ALDH3A2: variants seen among roughly 807,000 people sequenced by gnomAD.
The protein encoded by ALDH3A2 is aldehyde dehydrogenase family 3 member A2.
A neutral mutation model predicts 51.3 loss-of-function variants in ALDH3A2; 36 were observed. The observed-to-expected ratio is 0.70, with a 90% CI of 0.54 to 0.93. ALDH3A2 has a LOEUF of 0.93. Among genes scored for constraint, ALDH3A2 ranks in the 40% least tolerant of loss-of-function variants. The pLI, the probability that ALDH3A2 is intolerant of heterozygous loss-of-function variation, is 0.00. For missense variants in ALDH3A2, 552 were observed against 603.1 expected, an observed-to-expected ratio of 0.92 and a Z score of 0.89; for synonymous variants, 199 against 219.8, an observed-to-expected ratio of 0.91 and a Z score of 0.84.
chr17:19,659,257 C>T (rs372932102), intron 5 of ALDH3A2, among the ~76,000 whole-genome samples: 2 of 151,688 alleles, frequency 1.3e-5, no homozygotes, highest in African/African-American at 2.4e-5. Flanking sequence ...TGAAAATTGT[C>T]GCCGTTGTGG....
At chr17:19,669,675 C>T (rs549190108) in intron 8 of ALDH3A2, among the ~76,000 whole-genome samples, 32 of 151,992 alleles carry the variant, frequency 2.1e-4, no homozygotes, top group Non-Finnish European at 4.3e-4. Context: ...CACTCTGTCA[C>T]CCAAGCCAGA....
chr17:19,651,850 A>G (rs1197574804), intron 2 of ALDH3A2, 72 bp downstream of exon 2: 7 of 1,338,078 alleles, frequency 5.2e-6, no homozygotes, highest in African/African-American at 1.4e-5. Context: ...GAAATTAAGG[A>G]TAGTGGCTAA....
intron 3 of ALDH3A2, 96 bp downstream of exon 3, chr17:19,652,728 C>G: frequency 9.6e-7 from 1 of 1,040,718 alleles, no homozygotes; most frequent in Non-Finnish European, 1.5e-6. Flanking sequence ...GGCCGGGGAC[C>G]CAATTGCAGT....
intron 7 of ALDH3A2, among the ~76,000 whole-genome samples, chr17:19,663,894 C>T (rs1322447575): frequency 3.3e-5 from 5 of 152,238 alleles, no homozygotes; most frequent in African/African-American, 7.2e-5. Flanking sequence ...GGGACAAAGA[C>T]CCCGACACTG....
At chr17:19,653,856 A>T (rs528951003) in intron 3 of ALDH3A2, among the ~76,000 whole-genome samples, 1 of 152,228 alleles carries the variant, frequency 6.6e-6, no homozygotes, top group Non-Finnish European at 1.5e-5. Flanking sequence ...GGTCCATTTT[A>T]CAGAGAGCTG....
intron 5 of ALDH3A2, among the ~76,000 whole-genome samples, chr17:19,658,984 C>A: frequency 6.6e-6 from 1 of 152,178 alleles, no homozygotes; most frequent in East Asian, 1.9e-4. Flanking sequence ...GTAATCCCAG[C>A]ACTTTGGGAG....
chr17:19,671,053 C>T (rs181277508), intron 8 of ALDH3A2, among the ~76,000 whole-genome samples: 9 of 152,340 alleles, frequency 5.9e-5, no homozygotes, highest in Admixed American at 2.0e-4. Flanking sequence ...CACACTGCTC[C>T]GCTTTGTGCC....
chr17:19,650,098 G>A (rs1003880596), intron 1 of ALDH3A2, among the ~76,000 whole-genome samples: 4 of 151,970 alleles, frequency 2.6e-5, no homozygotes, highest in Non-Finnish European at 5.9e-5. Context: ...TTTTAGTAGA[G>A]ATGGAGTTTC....
chr17:19,667,130 CAT>C (rs2085049436), intron 8 of ALDH3A2, among the ~76,000 whole-genome samples: 1 of 152,170 alleles, frequency 6.6e-6, no homozygotes, highest in Non-Finnish European at 1.5e-5. Flanking sequence ...TATGCACACA[CAT>C]ATACACGGTC....
At chr17:19,674,986 A>C (rs1264576328) in intron 9 of ALDH3A2, 2 of 152,840 alleles carry the variant, frequency 1.3e-5, no homozygotes, top group East Asian at 3.8e-4. Context: ...GTTCCAATAA[A>C]GCTTATAAGC....
chr17:19,670,624 G>A (rs956367906), intron 8 of ALDH3A2, among the ~76,000 whole-genome samples: 4 of 150,582 alleles, frequency 2.7e-5, no homozygotes, highest in South Asian at 2.1e-4. Flanking sequence ...GTGCAGTGGC[G>A]CGATCTCAGC....
chr17:19,675,723 T>C lies in ALDH3A2; in HGVS notation c.*151T>C. On this transcript the variant is annotated 3_prime_UTR_variant, in exon 10 of 10. Transcript: ENST00000176643. ...ACTTAAAAGTCATTGCCATTCATCATTAATAAAAGTTGCCATTTCAACTAC... is the reference window on the plus strand; with the variant it reads ...ACTTAAAAGTCATTGCCATTCATCACTAATAAAAGTTGCCATTTCAACTAC... 1.1e-6 allele frequency: 1 copy of C among 917,326 alleles called. No individual in the cohort carries two copies. The allele number at this position is 917,326 out of a possible 1,614,324, so 56.8% of individuals were successfully genotyped here.
intron 9 of ALDH3A2, among the ~76,000 whole-genome samples, chr17:19,672,957 C>G (rs565770806): frequency 9.6e-4 from 146 of 152,236 alleles, no homozygotes; most frequent in African/African-American, 3.1e-3. Context: ...AGGAGAATCA[C>G]TTGAACCCGG....
chr17:19,666,037 CT>C (rs1365581237), intron 8 of ALDH3A2, among the ~76,000 whole-genome samples: 2 of 152,074 alleles, frequency 1.3e-5, no homozygotes, highest in Non-Finnish European at 1.5e-5. Context: ...AGCACAGTGA[CT>C]GACATGAGTG....
chr17:19,665,367 A>G (rs1329259687), intron 8 of ALDH3A2, among the ~76,000 whole-genome samples: 2 of 140,250 alleles, frequency 1.4e-5, no homozygotes, highest in Non-Finnish European at 3.0e-5. Flanking sequence ...AATTAAGAAG[A>G]TCTCTCTTCG....
intron 3 of ALDH3A2, among the ~76,000 whole-genome samples, chr17:19,655,582 T>G (rs2084883619): frequency 6.6e-6 from 1 of 152,228 alleles, no homozygotes; most frequent in Non-Finnish European, 1.5e-5. Context: ...ATGAAATTAA[T>G]TCGCCTTCAA....
intron 3 of ALDH3A2, 68 bp downstream of exon 3, chr17:19,652,700 C>A: frequency 7.5e-7 from 1 of 1,337,918 alleles, no homozygotes; most frequent in East Asian, 2.3e-5. Flanking sequence ...TATTTTCTTG[C>A]TATTGCATGT....
chr17:19,651,220 T>C (rs1002703106), intron 1 of ALDH3A2, among the ~76,000 whole-genome samples: 10 of 152,224 alleles, frequency 6.6e-5, no homozygotes, highest in Admixed American at 6.5e-4. Flanking sequence ...CAGACCTTTA[T>C]TGCTCAAGGA....
rs754120524 is a variant in ALDH3A2 at position 19,651,620 on chromosome 17, C to T, written c.227C>T (p.Pro76Leu). ...ATTGATTTTATGCTTGAGAATCTTCCTGAATGGGTTACTGCTAAACCAGTT... is the reference window on the plus strand; with the variant it reads ...ATTGATTTTATGCTTGAGAATCTTCTTGAATGGGTTACTGCTAAACCAGTT... ...GEIDFMLENL[P>L]EWVTAKPVKK... The change falls in exon 2 of 10, where the codon CCT (proline) becomes CTT (leucine). Residue 76 changes from proline (P) to leucine (L), a missense_variant. By Grantham distance (98) the Pro-to-Leu change is moderately conservative. Coordinates refer to ENST00000176643, the MANE Select transcript of ALDH3A2 (RefSeq NM_000382.3). The T allele has an allele frequency of 3.7e-6, 6 of 1,614,188 alleles. No homozygotes were observed. The South Asian group carries it at 4.4e-5, about 12-fold the overall frequency.
Sources: gnomAD v4.1 joint callset for allele counts (sites outside exome capture counted in the v4.1 genomes callset) on GRCh38, gnomAD v4.1.1 for gene constraint, MANE v1.5 for transcripts, NCBI Gene and HGNC (gene_info 2026-07-23, HGNC 2026-07-21) for gene names.